GRHL2: variants seen among roughly 807,000 people sequenced by gnomAD.
GRHL2 encodes the protein grainyhead-like protein 2 homolog.
Under a neutral mutation model 83.8 loss-of-function variants are expected in GRHL2, and 21 were observed. The ratio of observed to expected loss-of-function variants is 0.25; its 90% CI spans 0.18 to 0.36. GRHL2 has a LOEUF of 0.36. Ranked by LOEUF, GRHL2 falls within the 10% of genes least tolerant of loss-of-function variation. GRHL2 has a pLI of 1.00. For synonymous variants in GRHL2, 280 were observed against 278.9 expected, an observed-to-expected ratio of 1.00 and a Z score of -0.04; for missense variants, 623 against 781.8, an observed-to-expected ratio of 0.80 and a Z score of 2.42.
At chr8:101,658,827 C>CCAA (rs1813854004) in intron 14 of GRHL2, among the ~76,000 whole-genome samples, 1 of 152,012 alleles carries the variant, frequency 6.6e-6, no homozygotes, top group Non-Finnish European at 1.5e-5. Flanking sequence ...TCAAAAAAAA[C>CCAA]CAACTCTTGA....
chr8:101,571,033 G>A (rs1811810074), intron 5 of GRHL2, among the ~76,000 whole-genome samples: 1 of 152,222 alleles, frequency 6.6e-6, no homozygotes, highest in Non-Finnish European at 1.5e-5. Flanking sequence ...GTGTGAGTAG[G>A]GTTGGGGATA....
At chr8:101,639,082 G>T (rs1049339128) in intron 12 of GRHL2, among the ~76,000 whole-genome samples, 1 of 152,324 alleles carries the variant, frequency 6.6e-6, no homozygotes, top group Non-Finnish European at 1.5e-5. Flanking sequence ...GCTCCTTGAT[G>T]TGCAGGCCTC....
At chr8:101,617,666 G>A (rs11985705) in intron 8 of GRHL2, among the ~76,000 whole-genome samples, 2,389 of 152,130 alleles carry the variant, frequency 0.016, 65 homozygotes, top group African/African-American at 0.053. Context: ...CACCACACTC[G>A]GCTAATTTTT....
intron 7 of GRHL2, among the ~76,000 whole-genome samples, chr8:101,592,358 C>T (rs567702319): frequency 6.6e-6 from 1 of 152,296 alleles, no homozygotes; most frequent in African/African-American, 2.4e-5. Context: ...CTGCCTTGGC[C>T]TCCCAAGTTG....
Position 101,521,150 on chromosome 8 carries a change from AAG to A in GRHL2, c.21-22086_21-22085del, listed in dbSNP as rs544996041. 8.7e-4 allele frequency among the ~76,000 whole-genome samples: 132 copies of A among 152,284 alleles called. 1 individual carries two copies. The highest frequency in any genetic ancestry group is 3.0e-3 in the African/African-American group (126 of 41,552). On this transcript the variant is annotated intron_variant, in intron 1 of 15. Coordinates refer to ENST00000646743, the MANE Select transcript of GRHL2 (RefSeq NM_024915.4). ...AATGTGAGTCTGACTTGGAGTGAAGAAGAGAGGGAGGAAATGTTGAGCAGAAG... is the reference window on the plus strand; with the variant it reads ...AATGTGAGTCTGACTTGGAGTGAAGAAGAGGGAGGAAATGTTGAGCAGAAG...
chr8:101,517,018 G>A (rs1254614882), intron 1 of GRHL2, among the ~76,000 whole-genome samples: 1 of 152,122 alleles, frequency 6.6e-6, no homozygotes, highest in African/African-American at 2.4e-5. Context: ...TGTTCCTGTG[G>A]TGGGATGCCT....
intron 9 of GRHL2, among the ~76,000 whole-genome samples, chr8:101,624,294 T>G (rs148034882): frequency 1.7e-3 from 247 of 145,404 alleles, no homozygotes; most frequent in African/African-American, 6.1e-3. Context: ...ACAGTTTCCA[T>G]GACACAGCAA....
At chr8:101,594,699 T>C (rs1038527923) in intron 7 of GRHL2, among the ~76,000 whole-genome samples, 1 of 152,204 alleles carries the variant, frequency 6.6e-6, no homozygotes, top group Admixed American at 6.5e-5. Context: ...GGTATAAGGC[T>C]AGAGAGGAGT....
At chr8:101,673,586 T>G (rs1327009868), downstream of GRHL2, among the ~76,000 whole-genome samples, 1 of 150,718 alleles carries the variant, frequency 6.6e-6, no homozygotes, top group African/African-American at 2.5e-5. Flanking sequence ...CTTAGAGACC[T>G]ACAAAGAGAC....
At chr8:101,650,081 TC>T (rs1315645408) in intron 14 of GRHL2, among the ~76,000 whole-genome samples, 2 of 152,164 alleles carry the variant, frequency 1.3e-5, no homozygotes, top group African/African-American at 4.8e-5. Context: ...CTCCCTTCAC[TC>T]CCAACTGCTC....
chr8:101,588,876 T>C (rs1812220495), intron 7 of GRHL2, among the ~76,000 whole-genome samples: 6 of 152,186 alleles, frequency 3.9e-5, no homozygotes, highest in Admixed American at 3.9e-4. Flanking sequence ...TAATATAAAA[T>C]ACCACCACTT....
At chr8:101,630,717 C>T (rs1813170186) in intron 9 of GRHL2, among the ~76,000 whole-genome samples, 1 of 152,106 alleles carries the variant, frequency 6.6e-6, no homozygotes, top group Non-Finnish European at 1.5e-5. Flanking sequence ...GTGTCACCTG[C>T]CTAGTGCCTT....
At chr8:101,618,474 T>C (rs1812899030) in intron 8 of GRHL2, among the ~76,000 whole-genome samples, 1 of 152,210 alleles carries the variant, frequency 6.6e-6, no homozygotes, top group South Asian at 2.1e-4. Flanking sequence ...TAACAATCTT[T>C]TACTTTTTCA....
the GRHL2 span, among the ~76,000 whole-genome samples, chr8:101,681,116 CA>C: frequency 3.4e-5 from 5 of 148,900 alleles, no homozygotes; most frequent in Non-Finnish European, 4.4e-5. Flanking sequence ...AAAAACCCTT[CA>C]AAAAATTAAT....
At chr8:101,629,125 T>C (rs1813135135) in intron 9 of GRHL2, among the ~76,000 whole-genome samples, 1 of 152,178 alleles carries the variant, frequency 6.6e-6, no homozygotes, top group Admixed American at 6.5e-5. Context: ...TACAGAGAAA[T>C]CTTTCCTGAA....
chr8:101,570,306 T>C, intron 4 of GRHL2, 33 bp from the exon 5 acceptor site: 1 of 1,559,138 alleles, frequency 6.4e-7, no homozygotes, highest in Non-Finnish European at 8.9e-7. Flanking sequence ...GACTTACCTA[T>C]TTGTTTTAAT....
chr8:101,677,771 G>A, the GRHL2 span, among the ~76,000 whole-genome samples: 2 of 152,086 alleles, frequency 1.3e-5, no homozygotes, highest in Non-Finnish European at 2.9e-5. Context: ...GCATTCCCAA[G>A]GGTGTCTGGG....
chr8:101,585,126 C>G (rs927304859), intron 7 of GRHL2, among the ~76,000 whole-genome samples: 3 of 152,242 alleles, frequency 2.0e-5, no homozygotes, highest in Non-Finnish European at 4.4e-5. Context: ...GTGGCCCAAA[C>G]AGGCCTGGGA....
intron 1 of GRHL2, among the ~76,000 whole-genome samples, chr8:101,500,810 C>G (rs373128066): frequency 6.6e-6 from 1 of 151,484 alleles, no homozygotes; most frequent in Admixed American, 6.6e-5. Context: ...CACGCCCGAC[C>G]GAAAGTGTGT....
Sources: allele counts gnomAD v4.1 joint callset (sites outside exome capture counted in the v4.1 genomes callset), GRCh38; gene constraint gnomAD v4.1.1; transcripts MANE v1.5; gene names NCBI Gene and HGNC (gene_info 2026-07-23, HGNC 2026-07-21).